Variants in CLDN10 observed in about 807,000 individuals in gnomAD.
CLDN10 encodes the protein claudin-10.
A neutral mutation model predicts 22.9 loss-of-function variants in CLDN10; 15 were observed. The observed-to-expected ratio is 0.65, with a 90% confidence interval of 0.44 to 1.01. The LOEUF is 1.01. Ranked by LOEUF, CLDN10 falls within the 50% of genes least tolerant of loss-of-function variation. The pLI, the probability that CLDN10 is intolerant of heterozygous loss-of-function variation, is 0.00. For synonymous variants in CLDN10, 114 were observed against 111.4 expected (o/e 1.02, Z -0.15); for missense variants, 247 against 287.8 (o/e 0.86, Z 1.03).
intron 1 of CLDN10, among the ~76,000 whole-genome samples, chr13:95,434,884 T>C (rs2042252197): frequency 6.6e-6 from 1 of 152,140 alleles, no homozygotes; most frequent in Non-Finnish European, 1.5e-5. Flanking sequence ...TTTTAATGTT[T>C]GTCACAGCCT....
chr13:95,434,411 G>A (rs184679661), intron 1 of CLDN10, among the ~76,000 whole-genome samples: 1 of 147,314 alleles, frequency 6.8e-6, no homozygotes, highest in Admixed American at 6.8e-5. Flanking sequence ...ATTTAAACTT[G>A]TCTCTCCCTC....
intron 1 of CLDN10, among the ~76,000 whole-genome samples, chr13:95,438,970 C>A: frequency 9.7e-6 from 1 of 102,748 alleles, no homozygotes. Context: ...AGCAAGACTC[C>A]ATCGCAAAAA....
intron 1 of CLDN10, among the ~76,000 whole-genome samples, chr13:95,459,673 C>T (rs1218196640): frequency 2.0e-5 from 3 of 152,146 alleles, no homozygotes; most frequent in Admixed American, 6.5e-5. Context: ...GGCCTCCAGG[C>T]CTGTGATGGA....
chr13:95,577,957 A>T lies in CLDN10; in HGVS notation c.630A>T (p.Gly210=). ...CTTCTCGGACAAAGTATCATGGTGG[A>T]GAAGATTTTAAAACAACAAACCCTT... ...VMSSRTKYHG[G]EDFKTTNPSK... The change falls in exon 5 of 5, where the codon GGA becomes GGT. Residue 210 remains glycine (G), a synonymous_variant. Coordinates refer to ENST00000299339, the MANE Select transcript of CLDN10 (RefSeq NM_006984.5). 2.5e-6 allele frequency: 4 copies of T among 1,613,976 alleles called. No homozygotes were observed. Among genetic ancestry groups the T allele is most frequent in the Non-Finnish European group, 3.4e-6 (4 of 1,179,892 alleles).
At chr13:95,434,379 T>C (rs1486790940) in intron 1 of CLDN10, among the ~76,000 whole-genome samples, 1 of 151,888 alleles carries the variant, frequency 6.6e-6, no homozygotes, top group African/African-American at 2.4e-5. Flanking sequence ...TCAGCACCCC[T>C]ATGTAGGAAA....
rs913431799 is a variant in CLDN10, at chr13:95,579,433, C to T, written c.*1419C>T. 2 of 152,206 alleles carry T rather than the reference C, an allele frequency of 1.3e-5. No individual in the cohort carries two copies. Among genetic ancestry groups the T allele is most frequent in the African/African-American group, 4.8e-5 (2 of 41,450 alleles). 9.4% of individuals were successfully genotyped at this position (152,206 alleles called of 1,614,324 possible). A position where few individuals can be genotyped will look rare whatever the true frequency, so the allele number is the denominator to read the frequency against. On this transcript the variant is annotated 3_prime_UTR_variant, in exon 5 of 5. Transcript: ENST00000299339. ...CTCCTCACAGCCATCCTAGGAGATA[C>T]ATATTGTTTTCATCCTGCATTTACA...
chr13:95,445,224 G>C lies in CLDN10; in HGVS notation c.214+11177G>C, dbSNP rs143847496. On this transcript the variant is annotated intron_variant, in intron 1 of 4. Transcript: ENST00000376873. ...AGCAGGAGGAAGGCAAGTGCATGCA[G>C]GAACAGGAAGCACATAATTGGAATG... Among the ~76,000 whole-genome samples the C allele has an allele frequency of 3.0e-4, 45 of 152,344 alleles. No individual in the cohort carries two copies. In the East Asian group the frequency reaches 7.3e-3, roughly 25 times the overall value.
chr13:95,433,953 C>T, exon 1 of CLDN10: 1 of 1,614,226 alleles, frequency 6.2e-7, no homozygotes. Context: ...TGATAACAGC[C>T]ACTTGGGTTT....
intron 1 of CLDN10, among the ~76,000 whole-genome samples, chr13:95,459,450 G>T (rs1394322793): frequency 6.6e-6 from 1 of 152,216 alleles, no homozygotes; most frequent in Non-Finnish European, 1.5e-5. Flanking sequence ...TCTAGGCAGA[G>T]GTTCTCAAAC....
At position 95,442,847 on chromosome 13, in the gene CLDN10, A is replaced by C. The variant is rs367727196; in HGVS notation, c.214+8800A>C. Among the ~76,000 whole-genome samples the C allele has an allele frequency of 1.8e-4, 28 of 152,336 alleles. No homozygotes were observed. The South Asian group carries it at 3.7e-3, about 20-fold the overall frequency. On this transcript the variant is annotated intron_variant, in intron 1 of 4. Coordinates refer to the CLDN10 transcript ENST00000376873. ...ATTTGCAAATGGAGGTAATAATACGAATCAACTCATAGGGTTGTTGTCAGG... is the reference window on the plus strand; with the variant it reads ...ATTTGCAAATGGAGGTAATAATACGCATCAACTCATAGGGTTGTTGTCAGG...
rs768504036 is a variant in CLDN10 at position 95,560,159 on chromosome 13, T to C, written c.248T>C (p.Met83Thr). Residue 83 changes from methionine (M) to threonine (T), a missense_variant, in exon 2 of 5, where the codon ATG (methionine) becomes ACG (threonine). Physicochemically the swap from Met to Thr is moderately conservative, Grantham distance 81. Transcript: ENST00000299339. ...DGYIQACRGLMIAAVSLGFFG... is the reference protein window; with the variant it reads ...DGYIQACRGLTIAAVSLGFFG... ...TATATACAGGCATGTAGAGGACTTA[T>C]GATCGCTGCTGTCAGCCTGGGCTTC... 1.2e-6 allele frequency: 2 copies of C among 1,614,184 alleles called. No individual in the cohort carries two copies. Among genetic ancestry groups the C allele is most frequent in the Non-Finnish European group, 1.7e-6 (2 of 1,180,002 alleles).
intron 1 of CLDN10, among the ~76,000 whole-genome samples, chr13:95,467,469 T>A (rs1053664095): frequency 2.0e-4 from 30 of 152,242 alleles, no homozygotes; most frequent in Admixed American, 5.9e-4. Context: ...TTGCATTTGG[T>A]GAATATGCCT....
At chr13:95,523,907 T>C (rs1431952170) in intron 1 of CLDN10, among the ~76,000 whole-genome samples, 1 of 152,184 alleles carries the variant, frequency 6.6e-6, no homozygotes, top group African/African-American at 2.4e-5. Flanking sequence ...CCCTTCTCAG[T>C]TGTGTCAACT....
At chr13:95,512,398 T>G (rs575836081) in intron 1 of CLDN10, among the ~76,000 whole-genome samples, 1 of 152,288 alleles carries the variant, frequency 6.6e-6, no homozygotes, top group Non-Finnish European at 1.5e-5. Context: ...TTCTCTCTCC[T>G]TTTTTGTTGT....
chr13:95,524,094 C>CTTTTTTTTTTTTTTTTTTT (rs36014421), intron 1 of CLDN10, among the ~76,000 whole-genome samples: 1 of 137,914 alleles, frequency 7.3e-6, no homozygotes, highest in Admixed American at 7.2e-5. Flanking sequence ...CTTTGACTGG[C>CTTTTTTTTTTTTTTTTTTT]TTTTTTTTTT....
chr13:95,490,401 T>C (rs1192419346), intron 1 of CLDN10, among the ~76,000 whole-genome samples: 5 of 152,160 alleles, frequency 3.3e-5, no homozygotes, highest in African/African-American at 7.2e-5. Context: ...CTTTCAGCAG[T>C]GTTTTGTAGT....
chr13:95,518,602 A>C (rs2043193529), intron 1 of CLDN10, among the ~76,000 whole-genome samples: 1 of 152,090 alleles, frequency 6.6e-6, no homozygotes, highest in Non-Finnish European at 1.5e-5. Flanking sequence ...CTAAAAATAC[A>C]AAAATTAGCT....
At chr13:95,546,410 G>A (rs940397712) in intron 1 of CLDN10, among the ~76,000 whole-genome samples, 11 of 151,860 alleles carry the variant, frequency 7.2e-5, no homozygotes, top group African/African-American at 2.7e-4. Context: ...CCCATTGCAT[G>A]GAGTTTTTAT....
intron 1 of CLDN10, among the ~76,000 whole-genome samples, chr13:95,484,865 C>CAA (rs746231195): frequency 6.0e-4 from 56 of 93,608 alleles, no homozygotes; most frequent in East Asian, 9.7e-4. Flanking sequence ...GACCCTGTCT[C>CAA]AAAAAAAAAA....
Sources: gnomAD v4.1 joint callset for allele counts (sites outside exome capture counted in the v4.1 genomes callset) on GRCh38, gnomAD v4.1.1 for gene constraint, MANE v1.5 for transcripts, NCBI Gene and HGNC (gene_info 2026-07-23, HGNC 2026-07-21) for gene names.